MYO6: variants seen among roughly 807,000 people sequenced by gnomAD.
MYO6 encodes myosin VI, also known as unconventional myosin-VI.
In MYO6, 74 loss-of-function variants were observed where a neutral mutation model predicts 178.7. The ratio of observed to expected loss-of-function variants is 0.41; its 90% CI spans 0.34 to 0.50. MYO6 has a LOEUF of 0.50. Ranked by LOEUF, MYO6 falls within the 20% of genes least tolerant of loss-of-function variation. The probability of loss-of-function intolerance (pLI) is 0.09; values close to 1 mark genes in which losing one functional copy is unlikely to be tolerated. For missense variants in MYO6, 1,330 were observed against 1,547.4 expected (o/e 0.86, Z 2.36); for synonymous variants, 477 against 504.6 (o/e 0.95, Z 0.73).
intron 4 of MYO6, 48 bp downstream of exon 4, chr6:75,828,661 A>T (rs1399396698): frequency 8.8e-7 from 1 of 1,137,684 alleles, no homozygotes; most frequent in South Asian, 1.2e-5. Context: ...TAATTATTTC[A>T]TGTGGTACTC....
intron 16 of MYO6, among the ~76,000 whole-genome samples, chr6:75,865,571 C>T (rs2149307843): frequency 6.6e-6 from 1 of 151,524 alleles, no homozygotes; most frequent in East Asian, 1.9e-4. Context: ...TGCCATGTTG[C>T]TCAGGCTGGT....
intron 11 of MYO6, among the ~76,000 whole-genome samples, chr6:75,849,237 G>C (rs1176397630): frequency 6.6e-6 from 1 of 152,188 alleles, no homozygotes; most frequent in African/African-American, 2.4e-5. Flanking sequence ...TTGTGCTAGT[G>C]TCAGAGTTGA....
chr6:75,781,743 A>G (rs1767000445), intron 1 of MYO6, among the ~76,000 whole-genome samples: 1 of 152,002 alleles, frequency 6.6e-6, no homozygotes, highest in Non-Finnish European at 1.5e-5. Context: ...TAATATGGTG[A>G]AACCCTGTCT....
Position 75,835,953 on chromosome 6 carries a change from GA to G in MYO6, c.552del (p.Ala185LeufsTer5). ...TGQDIDDRIVEANPLLEAFGN... is the reference protein window; with the variant it reads ...TGQDIDDRIVXANPLLEAFGN... ...TCAAGATATTGATGACAGAATTGTT[GA>G]AGGTATTGCTAATTTTTCAGTTGTT... On this transcript the variant is annotated frameshift_variant and splice_region_variant, in exon 7 of 35. Coordinates refer to ENST00000369977, the MANE Select transcript of MYO6 (RefSeq NM_004999.4). LOFTEE classifies it high-confidence loss of function. The G allele has an allele frequency of 6.2e-7, 1 of 1,604,746 alleles. No homozygotes were observed.
At position 75,915,790 on chromosome 6, in the gene MYO6, A is replaced by G. The variant is rs1781087671; in HGVS notation, c.*778A>G. 1 of 152,672 alleles carries G rather than the reference A, an allele frequency of 6.5e-6. No individual in the cohort carries two copies. Among genetic ancestry groups the G allele is most frequent in the Non-Finnish European group, 1.5e-5 (1 of 68,042 alleles). The allele number at this position is 152,672 out of a possible 1,614,324, so 9.5% of individuals were successfully genotyped here. ...AGATAAGTTTTGTTTCAATTAGAAA[A>G]GGAAATAGGTTTTAGGTGGCATAGT... On this transcript the variant is annotated 3_prime_UTR_variant, in exon 35 of 35. Coordinates refer to ENST00000369977, the MANE Select transcript of MYO6 (RefSeq NM_004999.4).
At chr6:75,759,046 T>G (rs1355736353) in intron 1 of MYO6, among the ~76,000 whole-genome samples, 1 of 151,822 alleles carries the variant, frequency 6.6e-6, no homozygotes, top group Non-Finnish European at 1.5e-5. Flanking sequence ...ATTTTTATAT[T>G]TTTAGTGGAG....
At chr6:75,764,996 C>A (rs1778282074) in intron 1 of MYO6, among the ~76,000 whole-genome samples, 1 of 148,700 alleles carries the variant, frequency 6.7e-6, no homozygotes, top group African/African-American at 2.5e-5. Flanking sequence ...TAGACTCCGT[C>A]TCAAACAAAA....
At chr6:75,825,460 G>A (rs1052545554) in intron 3 of MYO6, among the ~76,000 whole-genome samples, 1 of 152,114 alleles carries the variant, frequency 6.6e-6, no homozygotes, top group African/African-American at 2.4e-5. Flanking sequence ...GAGCATGGTG[G>A]TGGGCGCCGG....
chr6:75,891,115 AT>A (rs1187450883), intron 26 of MYO6, 112 bp from the exon 27 acceptor site: 7 of 665,910 alleles, frequency 1.1e-5, no homozygotes, highest in Non-Finnish European at 1.8e-5. Context: ...CAGGAGGTTA[AT>A]TTGCATTCCC....
At chr6:75,849,751 A>G (rs1036831354) in intron 11 of MYO6, among the ~76,000 whole-genome samples, 3 of 152,222 alleles carry the variant, frequency 2.0e-5, no homozygotes, top group Admixed American at 6.5e-5. Context: ...GGAAGATGTT[A>G]CCAGAGCGAG....
chr6:75,863,727 C>G (rs947089765), intron 16 of MYO6, among the ~76,000 whole-genome samples: 2 of 152,024 alleles, frequency 1.3e-5, no homozygotes, highest in African/African-American at 4.8e-5. Context: ...CTCATGATCT[C>G]CCTGCCTTGG....
Position 75,914,175 on chromosome 6 carries a change from C to A in MYO6, c.3552C>A (p.Asp1184Glu). 6.2e-7 allele frequency: 1 copy of A among 1,614,110 alleles called. No individual in the cohort carries two copies. Among genetic ancestry groups the A allele is most frequent in the Non-Finnish European group, 8.5e-7 (1 of 1,180,016 alleles). ...PFIRPADQYKDPQSKKKGWWY... is the reference protein window; with the variant it reads ...PFIRPADQYKEPQSKKKGWWY... ...TCCGCCCTGCCGACCAGTACAAAGA[C>A]CCTCAGAGTAAGAAAAAAGGCTGGT... Residue 1184 changes from aspartate to glutamate, a missense_variant, in exon 34 of 35, where the codon GAC becomes GAA. Physicochemically the swap from Asp to Glu is conservative, Grantham distance 45. This residue lies in a region of MYO6 where 601 missense variants were observed against 626.1 expected (regional missense o/e 0.96). Transcript: ENST00000369977.
chr6:75,873,538 G>A (rs1361983677), intron 20 of MYO6, among the ~76,000 whole-genome samples: 2 of 152,132 alleles, frequency 1.3e-5, no homozygotes, highest in Non-Finnish European at 2.9e-5. Context: ...TGAGTTCAAA[G>A]TCAGCCTGGG....
chr6:75,832,739 C>T (rs1470064044), intron 5 of MYO6, 103 bp from the exon 6 acceptor site: 2 of 701,104 alleles, frequency 2.9e-6, no homozygotes, highest in East Asian at 2.7e-5. Flanking sequence ...ATTGAATAGA[C>T]ATTTATGATT....
chr6:75,778,346 G>A (rs753754158), intron 1 of MYO6, among the ~76,000 whole-genome samples: 6 of 152,080 alleles, frequency 3.9e-5, no homozygotes, highest in Non-Finnish European at 7.4e-5. Context: ...TGTAATCCCA[G>A]CACTTTGGGA....
At chr6:75,909,213 A>G (rs1780579019) in intron 32 of MYO6, among the ~76,000 whole-genome samples, 2 of 152,312 alleles carry the variant, frequency 1.3e-5, no homozygotes, top group African/African-American at 2.4e-5. Flanking sequence ...TTAAAATTTA[A>G]TGTAGCTCAG....
chr6:75,806,877 TG>T (rs1452813449), intron 1 of MYO6, among the ~76,000 whole-genome samples: 1 of 152,236 alleles, frequency 6.6e-6, no homozygotes, highest in Non-Finnish European at 1.5e-5. Context: ...CTGAAGGCTG[TG>T]AGACCCTTGA....
At chr6:75,868,499 T>G (rs911987098) in intron 18 of MYO6, among the ~76,000 whole-genome samples, 3 of 152,112 alleles carry the variant, frequency 2.0e-5, no homozygotes, top group African/African-American at 7.2e-5. Context: ...ACAGTTTTTC[T>G]TTGGATTACA....
intron 33 of MYO6, among the ~76,000 whole-genome samples, chr6:75,912,791 G>T (rs1412904109): frequency 6.6e-6 from 1 of 152,060 alleles, no homozygotes; most frequent in Non-Finnish European, 1.5e-5. Context: ...GGGAAAACAG[G>T]AGCAAAAGAA....
Sources: allele counts gnomAD v4.1 joint callset (sites outside exome capture counted in the v4.1 genomes callset), GRCh38; gene constraint gnomAD v4.1.1; regional missense constraint gnomAD v4.1.1; transcripts MANE v1.5; gene names NCBI Gene and HGNC (gene_info 2026-07-23, HGNC 2026-07-21).